Variants in ETV4 observed in about 807,000 individuals in gnomAD.
ETV4 encodes the protein ETS variant transcription factor 4.
In ETV4, 42 loss-of-function variants were observed where a neutral mutation model predicts 65.9. The ratio of observed to expected loss-of-function variants is 0.64; its 90% confidence interval spans 0.50 to 0.82. The LOEUF is 0.82. ETV4 is among the 40% of genes least tolerant of loss of function. The probability of loss-of-function intolerance (pLI) is 0.00; values close to 1 mark genes in which losing one functional copy is unlikely to be tolerated. For synonymous variants in ETV4, 238 were observed against 260.0 expected (o/e 0.92, Z 0.81); for missense variants, 583 against 630.3 (o/e 0.92, Z 0.80).
chr17:43,536,453 AC>A lies in ETV4; in HGVS notation c.228del (p.Gln76HisfsTer11). The A allele has an allele frequency of 6.2e-7, 1 of 1,614,214 alleles. No individual in the cohort carries two copies. The highest frequency in any genetic ancestry group is 8.5e-7 in the Non-Finnish European group (1 of 1,180,046). On this transcript the variant is annotated frameshift_variant, in exon 5 of 13. Transcript: ENST00000319349. LOFTEE classifies it high-confidence loss of function. ...TTTTCTGAATGGAAATCAGGAACAA[AC>A]TGCTCATCACTGTCTGGTACCTGAG... ...AEAQVPDSDE[Q>X]FVPDFHSENL...
intron 8 of ETV4, among the ~76,000 whole-genome samples, chr17:43,531,649 G>A (rs1006185226): frequency 1.8e-4 from 27 of 152,154 alleles, no homozygotes; most frequent in Non-Finnish European, 1.9e-4. Context: ...CAGCCTGGGC[G>A]AGAGAGCAAG....
intron 1 of ETV4, 158 bp from the exon 2 acceptor site, chr17:43,545,826 A>C: frequency 6.7e-6 from 4 of 595,752 alleles, no homozygotes; most frequent in East Asian, 2.8e-5. Context: ...CGCCACCACC[A>C]CTCCCCTCCC....
intron 4 of ETV4, 170 bp downstream of exon 4, chr17:43,544,805 T>G: frequency 1.6e-6 from 1 of 615,494 alleles, no homozygotes; most frequent in Non-Finnish European, 3.0e-6. Context: ...GTGTCCACGC[T>G]GGGTGCTGGG....
At chr17:43,529,351 A>G in intron 11 of ETV4, 115 bp from the exon 12 acceptor site, 1 of 1,394,166 alleles carries the variant, frequency 7.2e-7, no homozygotes, top group South Asian at 1.2e-5. Flanking sequence ...TAGCTCTGCA[A>G]CAAAGCATCA....
Position 43,527,956 on chromosome 17 carries a change from G to A in ETV4, c.*563C>T, listed in dbSNP as rs1000580136. On this transcript the variant is annotated 3_prime_UTR_variant, in exon 13 of 13. Coordinates refer to ENST00000319349, the MANE Select transcript of ETV4 (RefSeq NM_001079675.5). Reference sequence around the variant, plus strand: ...GAAGAAAGGCAAAGGGTCCCTTGGAGCAGGAACCCATCCCTCTCTGCTTAT... The same window carrying A: ...GAAGAAAGGCAAAGGGTCCCTTGGAACAGGAACCCATCCCTCTCTGCTTAT... 1 of 233,428 alleles carries A rather than the reference G, an allele frequency of 4.3e-6. No homozygotes were observed. Among genetic ancestry groups the A allele is most frequent in the African/African-American group, 2.2e-5 (1 of 45,320 alleles). 14.5% of individuals were successfully genotyped at this position (233,428 alleles called of 1,614,324 possible).
intron 8 of ETV4, among the ~76,000 whole-genome samples, chr17:43,532,392 G>C (rs1460838871): frequency 6.6e-6 from 1 of 152,044 alleles, no homozygotes; most frequent in Non-Finnish European, 1.5e-5. Context: ...CCAGGTACTC[G>C]GGAGGCTGAG....
In ETV4 at chr17:43,544,721, A is replaced by G. The variant is rs554723900; in HGVS notation, c.202+254T>C. 1.4e-4 allele frequency: 56 copies of G among 406,338 alleles called. No individual in the cohort carries two copies. The South Asian group carries it at 2.1e-3, about 15-fold the overall frequency. The allele number at this position is 406,338 out of a possible 1,614,324, so 25.2% of individuals were successfully genotyped here. A position where few individuals can be genotyped will look rare whatever the true frequency, so the allele number is the denominator to read the frequency against. On this transcript the variant is annotated intron_variant, in intron 4 of 12. Transcript: ENST00000319349. ...CCATTCAAATAAGCAAATACCCCAC[A>G]CAATGGTCTGATTCATCCTCAAGCC... is the stretch of plus-strand genomic sequence containing the variant.
chr17:43,529,024 C>G, intron 12 of ETV4, 111 bp downstream of exon 12: 1 of 1,044,540 alleles, frequency 9.6e-7, no homozygotes. Flanking sequence ...CTGACTGATT[C>G]ATTATCTGAT....
At chr17:43,534,089 A>G (rs1971107145) in intron 5 of ETV4, 104 bp from the exon 6 acceptor site, 1 of 1,234,352 alleles carries the variant, frequency 8.1e-7, no homozygotes, top group Non-Finnish European at 1.1e-6. Flanking sequence ...GGTGACTGGT[A>G]CAGCCTCCTT....
chr17:43,543,280 T>TCC (rs376846245), intron 4 of ETV4, among the ~76,000 whole-genome samples: 31,965 of 137,224 alleles, frequency 0.23, 4,181 homozygotes, highest in Middle Eastern at 0.31. Flanking sequence ...ACACACACTC[T>TCC]CTCTCTCTCT....
At chr17:43,528,869 A>G (rs1025644695) in intron 12 of ETV4, 126 bp from the exon 13 acceptor site, 14 of 766,644 alleles carry the variant, frequency 1.8e-5, no homozygotes, top group Admixed American at 5.4e-5. Context: ...TTTCTCTCCC[A>G]TGCTGGTTCC....
chr17:43,530,553 A>G, intron 8 of ETV4: 3 of 649,120 alleles, frequency 4.6e-6, no homozygotes, highest in Non-Finnish European at 6.7e-6. Flanking sequence ...AGACTCCCTC[A>G]GAATGGACAA....
chr17:43,539,120 A>T (rs1489313338), intron 4 of ETV4, among the ~76,000 whole-genome samples: 1 of 152,088 alleles, frequency 6.6e-6, no homozygotes, highest in Non-Finnish European at 1.5e-5. Flanking sequence ...ACAGAAATAA[A>T]ATCATTTCTC....
At chr17:43,540,574 T>A (rs528773167) in intron 4 of ETV4, among the ~76,000 whole-genome samples, 48 of 152,246 alleles carry the variant, frequency 3.2e-4, no homozygotes, top group African/African-American at 1.1e-3. Context: ...TATAAGGAAG[T>A]CTCCTGTGTC....
chr17:43,534,718 T>C (rs1344959942), intron 5 of ETV4, among the ~76,000 whole-genome samples: 1 of 151,998 alleles, frequency 6.6e-6, no homozygotes, highest in African/African-American at 2.4e-5. Context: ...GGCGGGCGGA[T>C]CACCTGAAGT....
At chr17:43,541,015 A>T (rs941217591) in intron 4 of ETV4, among the ~76,000 whole-genome samples, 1 of 152,054 alleles carries the variant, frequency 6.6e-6, no homozygotes, top group Non-Finnish European at 1.5e-5. Flanking sequence ...CCTCAGCATC[A>T]TCTTGCCTTT....
chr17:43,542,577 C>A (rs1156257776), intron 4 of ETV4, among the ~76,000 whole-genome samples: 2 of 152,154 alleles, frequency 1.3e-5, no homozygotes, highest in Non-Finnish European at 2.9e-5. Flanking sequence ...ACCCCCAAAT[C>A]AGACACGCCC....
chr17:43,532,237 TGTC>T (rs1286241642), intron 8 of ETV4, among the ~76,000 whole-genome samples: 1 of 152,216 alleles, frequency 6.6e-6, no homozygotes, highest in African/African-American at 2.4e-5. Flanking sequence ...AGGTGGCTCA[TGTC>T]TATAATCACA....
chr17:43,534,859 T>C (rs1010451020), intron 5 of ETV4, among the ~76,000 whole-genome samples: 8 of 152,220 alleles, frequency 5.3e-5, no homozygotes, highest in Admixed American at 1.3e-4. Context: ...GAGAATTGCT[T>C]GAACCTGGGA....
Sources: gnomAD v4.1 joint callset for allele counts (sites outside exome capture counted in the v4.1 genomes callset) on GRCh38, gnomAD v4.1.1 for gene constraint, MANE v1.5 for transcripts, NCBI Gene and HGNC (gene_info 2026-07-23, HGNC 2026-07-21) for gene names.